Variants in KCNN3 observed in about 807,000 individuals in gnomAD.
KCNN3 encodes potassium calcium-activated channel subfamily N member 3, also known as small conductance calcium-activated potassium channel protein 3.
A neutral mutation model predicts 62.9 loss-of-function variants in KCNN3; 16 were observed. The observed-to-expected ratio is 0.25, with a 90% CI of 0.17 to 0.39. The LOEUF is 0.39. KCNN3 is among the 10% of genes least tolerant of loss of function. The pLI is 1.00. For missense variants in KCNN3, 599 were observed against 949.4 expected (o/e 0.63, Z 4.85); for synonymous variants, 370 against 389.2 (o/e 0.95, Z 0.58).
chr1:154,764,046 C>G (rs1648144400), intron 3 of KCNN3, among the ~76,000 whole-genome samples: 1 of 152,142 alleles, frequency 6.6e-6, no homozygotes. Context: ...TTTGTACTTA[C>G]CTAATAAATC....
At chr1:154,806,560 T>C (rs988894282) in intron 2 of KCNN3, among the ~76,000 whole-genome samples, 3 of 152,240 alleles carry the variant, frequency 2.0e-5, no homozygotes, top group Non-Finnish European at 2.9e-5. Flanking sequence ...ATTCTAAATC[T>C]AGAATCTTCC....
In KCNN3 at chr1:154,732,642, A is replaced by G. The variant is rs138156274; in HGVS notation, c.1590+361T>C. The stretch of plus-strand genomic sequence containing the variant: ...CAAGGCAACAGGAAGGAGGACAATA[A>G]ACTGCAAGCTCCAGTGCTCACTGGA... On this transcript the variant is annotated intron_variant, in intron 4 of 7. Transcript: ENST00000271915. Among the ~76,000 whole-genome samples the G allele has an allele frequency of 3.3e-5, 5 of 152,274 alleles. No homozygotes were observed. In the East Asian group the frequency reaches 7.7e-4, roughly 24 times the overall value.
chr1:154,710,946 G>A (rs1700061399), intron 7 of KCNN3, among the ~76,000 whole-genome samples: 3 of 152,120 alleles, frequency 2.0e-5, no homozygotes, highest in Admixed American at 2.0e-4. Flanking sequence ...GATTCCTCAG[G>A]GATCTAGAAC....
At chr1:154,837,502 T>TC (rs1651640604) in intron 1 of KCNN3, among the ~76,000 whole-genome samples, 1 of 152,040 alleles carries the variant, frequency 6.6e-6, no homozygotes, top group African/African-American at 2.4e-5. Context: ...AGCCAACTCC[T>TC]CCTCCTGGTT....
At chr1:154,787,840 G>A (rs1204933622) in intron 2 of KCNN3, among the ~76,000 whole-genome samples, 1 of 137,584 alleles carries the variant, frequency 7.3e-6, no homozygotes, top group African/African-American at 2.9e-5. Flanking sequence ...TGCTTCCAGG[G>A]CCCACGCTGC....
rs10157394 is a variant in KCNN3, at chr1:154,814,247, A to G, written c.1029+7842T>C. On this transcript the variant is annotated intron_variant, in intron 2 of 7. Transcript: ENST00000271915. ...AGAATGAGGAGGGAGTAAATCTGCC[A>G]TGCCTACCCCAGTTTTGTCATTCAT... Among the ~76,000 whole-genome samples the G allele has an allele frequency of 7.6e-3, 1,153 of 152,348 alleles. 16 individuals carry two copies. Among genetic ancestry groups the G allele is most frequent in the African/African-American group, 0.027 (1,122 of 41,568 alleles).
intron 3 of KCNN3, among the ~76,000 whole-genome samples, chr1:154,745,943 G>A (rs1048638388): frequency 8.5e-5 from 13 of 152,194 alleles, no homozygotes; most frequent in African/African-American, 1.7e-4. Flanking sequence ...TCCAACAGAC[G>A]GGGGTTTGGA....
In KCNN3 at chr1:154,708,221, C is replaced by T; in HGVS notation, c.1951G>A (p.Asp651Asn). The T allele has an allele frequency of 6.2e-7, 1 of 1,613,868 alleles. No homozygotes were observed. ...AGGCTGCCAATCTGCTTCTCCAGGTCTTCGCTCCGGTCATTGAGTTCTGTG... is the reference window on the plus strand; with the variant it reads ...AGGCTGCCAATCTGCTTCTCCAGGTTTTCGCTCCGGTCATTGAGTTCTGTG... ...LITELNDRSE[D>N]LEKQIGSLES... Residue 651 changes from aspartate (D) to asparagine (N), a missense_variant, in exon 8 of 8, where the codon GAC (aspartate) becomes AAC (asparagine). Asp to Asn is a conservative substitution (Grantham distance 23). Transcript: ENST00000271915.
chr1:154,747,169 T>G (rs139923068), intron 3 of KCNN3, among the ~76,000 whole-genome samples: 1 of 152,112 alleles, frequency 6.6e-6, no homozygotes, highest in Admixed American at 6.5e-5. Context: ...CCGGTGGAGG[T>G]TGGCTCCTCT....
chr1:154,778,330 GTA>G (rs1648877182), intron 2 of KCNN3, among the ~76,000 whole-genome samples: 1 of 152,172 alleles, frequency 6.6e-6, no homozygotes, highest in Non-Finnish European at 1.5e-5. Flanking sequence ...GCCATTGTGG[GTA>G]TATAAATCTG....
chr1:154,810,126 T>A (rs957861722), intron 2 of KCNN3, among the ~76,000 whole-genome samples: 1 of 151,946 alleles, frequency 6.6e-6, no homozygotes, highest in Non-Finnish European at 1.5e-5. Flanking sequence ...TTAGGGGAGT[T>A]TGGGTGGAAG....
chr1:154,806,259 C>T (rs1203044866), intron 2 of KCNN3, among the ~76,000 whole-genome samples: 2 of 152,232 alleles, frequency 1.3e-5, no homozygotes, highest in Non-Finnish European at 2.9e-5. Flanking sequence ...GGTACCCCAC[C>T]TGCTGCCAAG....
chr1:154,851,917 GACGGTCT>G (rs1433266764), intron 1 of KCNN3, among the ~76,000 whole-genome samples: 4 of 152,210 alleles, frequency 2.6e-5, no homozygotes, highest in East Asian at 3.9e-4. Flanking sequence ...CACTCCTCAG[GACGGTCT>G]ACAAATCCCT....
intron 1 of KCNN3, among the ~76,000 whole-genome samples, chr1:154,865,732 G>A (rs530699164): frequency 4.4e-4 from 67 of 152,000 alleles, no homozygotes; most frequent in Non-Finnish European, 6.0e-4. Context: ...GCAGCCACCC[G>A]CCAAACATAG....
intron 1 of KCNN3, among the ~76,000 whole-genome samples, chr1:154,837,257 A>G (rs1558000433): frequency 6.6e-6 from 1 of 151,672 alleles, no homozygotes; most frequent in East Asian, 1.9e-4. Context: ...CGCCACCACC[A>G]TGCCCGGCTA....
In KCNN3 at chr1:154,809,568, A is replaced by G. The variant is rs147596739; in HGVS notation, c.1029+12521T>C. 3.5e-3 allele frequency among the ~76,000 whole-genome samples: 537 copies of G among 152,324 alleles called. 8 individuals are homozygous for G. Among genetic ancestry groups the G allele is most frequent in the African/African-American group, 0.012 (515 of 41,570 alleles). On this transcript the variant is annotated intron_variant, in intron 2 of 7. Transcript: ENST00000271915. The surrounding 1 kb of genome is among the most constrained non-coding windows in gnomAD (Gnocchi z 4.3). ...GACTTCTGGTTCGACATTTGTATCA[A>G]TGGTTTAGATGAAGCTATTATACTC...
chr1:154,833,965 A>G (rs1049110332), intron 1 of KCNN3, among the ~76,000 whole-genome samples: 1 of 152,274 alleles, frequency 6.6e-6, no homozygotes, highest in African/African-American at 2.4e-5. Flanking sequence ...AACTATTGGC[A>G]TCTCAGTGCG....
intron 3 of KCNN3, among the ~76,000 whole-genome samples, chr1:154,749,417 G>T (rs1647247172): frequency 6.6e-6 from 1 of 152,254 alleles, no homozygotes; most frequent in African/African-American, 2.4e-5. Flanking sequence ...CCTAGGCAGG[G>T]TTAGTGTGGG....
At chr1:154,844,078 C>T (rs1044877858) in intron 1 of KCNN3, among the ~76,000 whole-genome samples, 3 of 152,228 alleles carry the variant, frequency 2.0e-5, no homozygotes, top group Non-Finnish European at 4.4e-5. Flanking sequence ...CAGAAGGGGA[C>T]TCCACCCAAG....
Sources: allele counts gnomAD v4.1 joint callset (sites outside exome capture counted in the v4.1 genomes callset), GRCh38; gene constraint gnomAD v4.1.1; non-coding constraint Gnocchi (gnomAD v3.1); transcripts MANE v1.5; gene names NCBI Gene and HGNC (gene_info 2026-07-23, HGNC 2026-07-21).